LRP1B: variants seen among roughly 807,000 people sequenced by gnomAD.
The protein encoded by LRP1B is low-density lipoprotein receptor-related protein 1B.
LRP1B carries 217 observed loss-of-function variants against 556.6 expected under a neutral mutation model. The ratio of observed to expected loss-of-function variants is 0.39; its 90% CI spans 0.35 to 0.44. LRP1B has a LOEUF of 0.44. Among genes scored for constraint, LRP1B ranks in the 20% least tolerant of loss-of-function variants. LRP1B has a pLI of 1.00. For synonymous variants in LRP1B, 2,047 were observed against 1,865.8 expected (o/e 1.10, Z -2.50); for missense variants, 5,053 against 5,620.8 (o/e 0.90, Z 3.23).
At chr2:140,802,707 T>G (rs1690558893) in intron 32 of LRP1B, among the ~76,000 whole-genome samples, 1 of 152,210 alleles carries the variant, frequency 6.6e-6, no homozygotes, top group East Asian at 1.9e-4. Context: ...ATTTTTTTTA[T>G]TTTAAATTAC....
chr2:141,264,684 A>T (rs1378676918), intron 3 of LRP1B, among the ~76,000 whole-genome samples: 1 of 152,114 alleles, frequency 6.6e-6, no homozygotes, highest in African/African-American at 2.4e-5. Flanking sequence ...CGAACTGCTG[A>T]CCTCAAGTGA....
intron 1 of LRP1B, among the ~76,000 whole-genome samples, chr2:142,057,270 A>G (rs1704711635): frequency 6.6e-6 from 1 of 152,096 alleles, no homozygotes; most frequent in Non-Finnish European, 1.5e-5. Flanking sequence ...GGAAATAACC[A>G]TTTCTTGTTT....
chr2:141,654,915 A>G (rs1346717670), intron 2 of LRP1B, among the ~76,000 whole-genome samples: 1 of 152,178 alleles, frequency 6.6e-6, no homozygotes, highest in Non-Finnish European at 1.5e-5. Flanking sequence ...GTCGGGATAG[A>G]AATAAGACAG....
At chr2:142,120,794 C>T (rs1299870864) in intron 1 of LRP1B, among the ~76,000 whole-genome samples, 2 of 151,976 alleles carry the variant, frequency 1.3e-5, no homozygotes, top group East Asian at 3.9e-4. Context: ...TCAATTAATT[C>T]CATTTTACAG....
At chr2:142,049,633 C>A (rs1025120058) in intron 1 of LRP1B, among the ~76,000 whole-genome samples, 3 of 152,056 alleles carry the variant, frequency 2.0e-5, no homozygotes, top group South Asian at 2.1e-4. Flanking sequence ...CCTCACGATT[C>A]CCATGACTGC....
intron 27 of LRP1B, among the ~76,000 whole-genome samples, chr2:140,856,364 A>G (rs1692617801): frequency 6.6e-6 from 1 of 152,226 alleles, no homozygotes; most frequent in Non-Finnish European, 1.5e-5. Flanking sequence ...AATATTGGTT[A>G]TAATTATTGC....
At chr2:141,417,177 T>G (rs2104955768) in intron 3 of LRP1B, among the ~76,000 whole-genome samples, 1 of 152,334 alleles carries the variant, frequency 6.6e-6, no homozygotes. Context: ...TTGAAAGATC[T>G]TTATGCAGGC....
intron 3 of LRP1B, among the ~76,000 whole-genome samples, chr2:141,297,061 T>A (rs1474427842): frequency 6.6e-6 from 1 of 152,222 alleles, no homozygotes; most frequent in African/African-American, 2.4e-5. Flanking sequence ...GGCTGTGTAG[T>A]ATTTCATGGT....
At chr2:141,810,095 A>AAAGG (rs1558890746) in intron 2 of LRP1B, among the ~76,000 whole-genome samples, 184 bp downstream of exon 2, 1 of 136,584 alleles carries the variant, frequency 7.3e-6, no homozygotes, top group African/African-American at 2.7e-5. Context: ...CTATTTGGAA[A>AAAGG]AAAGAAAGAA....
intron 7 of LRP1B, among the ~76,000 whole-genome samples, chr2:141,139,810 TGTGTGTGTG>T (rs1701596153): frequency 6.6e-6 from 1 of 151,514 alleles, no homozygotes; most frequent in African/African-American, 2.4e-5. Context: ...TGTGTGTGTG[TGTGTGTGTG>T]TATCACATAA....
chr2:141,798,254 G>GC (rs879897000), intron 2 of LRP1B, among the ~76,000 whole-genome samples: 2 of 152,086 alleles, frequency 1.3e-5, no homozygotes, highest in Admixed American at 6.6e-5. Flanking sequence ...AAAATGTAAT[G>GC]ATTGATAAAT....
chr2:140,797,815 C>G (rs982110440), intron 32 of LRP1B, among the ~76,000 whole-genome samples: 2 of 151,948 alleles, frequency 1.3e-5, no homozygotes, highest in African/African-American at 2.4e-5. Context: ...AAAAATAAGC[C>G]TCTCCTTCTA....
At chr2:140,950,506 CAG>C (rs1695682668) in intron 19 of LRP1B, 104 bp from the exon 20 acceptor site, 3 of 970,504 alleles carry the variant, frequency 3.1e-6, no homozygotes, top group Non-Finnish European at 4.5e-6. Flanking sequence ...TTTTTTGAGA[CAG>C]AGTCTTGCTC....
intron 2 of LRP1B, among the ~76,000 whole-genome samples, chr2:141,500,091 G>A (rs1047352521): frequency 3.9e-5 from 6 of 152,078 alleles, no homozygotes; most frequent in African/African-American, 7.2e-5. Context: ...CTTTTCTCCT[G>A]TATTAGGAAG....
intron 1 of LRP1B, among the ~76,000 whole-genome samples, chr2:142,033,501 CCA>C (rs1307901634): frequency 1.3e-5 from 2 of 151,730 alleles, no homozygotes; most frequent in Non-Finnish European, 2.9e-5. Context: ...CCCCACCCTC[CCA>C]CACTTCCTCT....
chr2:141,120,515 A>C (rs1464380727), intron 7 of LRP1B, among the ~76,000 whole-genome samples: 3 of 151,960 alleles, frequency 2.0e-5, no homozygotes, highest in Non-Finnish European at 4.4e-5. Flanking sequence ...CAGATATATT[A>C]TGATTATATC....
At chr2:141,014,494 T>C (rs1264994983) in intron 13 of LRP1B, among the ~76,000 whole-genome samples, 1 of 152,056 alleles carries the variant, frequency 6.6e-6, no homozygotes, top group Non-Finnish European at 1.5e-5. Context: ...GAGAATACTT[T>C]TTCACCTTTT....
intron 2 of LRP1B, among the ~76,000 whole-genome samples, chr2:141,499,778 A>G (rs942093917): frequency 2.6e-5 from 4 of 152,130 alleles, no homozygotes; most frequent in African/African-American, 9.6e-5. Context: ...TTTGAAATAA[A>G]AAAATAAAAT....
chr2:141,805,102 C>A (rs1252014894), intron 2 of LRP1B, among the ~76,000 whole-genome samples: 1 of 152,054 alleles, frequency 6.6e-6, no homozygotes, highest in Non-Finnish European at 1.5e-5. Flanking sequence ...CCCATATAAC[C>A]CATTCTGGTG....
Sources: allele counts gnomAD v4.1 joint callset (sites outside exome capture counted in the v4.1 genomes callset), GRCh38; gene constraint gnomAD v4.1.1; transcripts MANE v1.5; gene names NCBI Gene and HGNC (gene_info 2026-07-23, HGNC 2026-07-21).